MRPS27: variants seen among roughly 807,000 people sequenced by gnomAD.
MRPS27 encodes mitochondrial ribosomal protein S27, also known as small ribosomal subunit protein mS27.
Under a neutral mutation model 48.9 loss-of-function variants are expected in MRPS27, and 43 were observed. The observed-to-expected ratio is 0.88, with a 90% confidence interval of 0.69 to 1.13. The LOEUF (loss-of-function observed/expected upper bound fraction) is 1.13, where lower values mean the gene tolerates loss of function less well. Among genes scored for constraint, MRPS27 ranks in the 50% most tolerant of loss-of-function variants. MRPS27 has a pLI of 0.00. For missense variants in MRPS27, 467 were observed against 476.3 expected, an observed-to-expected ratio of 0.98 and a Z score of 0.18; for synonymous variants, 188 against 171.9, an observed-to-expected ratio of 1.09 and a Z score of -0.73.
chr5:72,295,439 G>A, intron 4 of MRPS27, 92 bp downstream of exon 4: 1 of 853,174 alleles, frequency 1.2e-6, no homozygotes, highest in Non-Finnish European at 1.9e-6. Flanking sequence ...AACTTAGAAG[G>A]TGTCAAAATT....
chr5:72,297,439 T>C (rs1750010241), intron 3 of MRPS27, among the ~76,000 whole-genome samples, 193 bp downstream of exon 3: 1 of 152,336 alleles, frequency 6.6e-6, no homozygotes, highest in East Asian at 1.9e-4. Flanking sequence ...GGTAAATGTA[T>C]TAACTTTTAT....
At chr5:72,234,094 A>T in intron 6 of MRPS27, 25 bp downstream of exon 6, 1 of 1,481,708 alleles carries the variant, frequency 6.7e-7, no homozygotes, top group Non-Finnish European at 8.9e-7. Flanking sequence ...CCCTATAAAC[A>T]CTGAATCTGG....
At chr5:72,307,596 G>T (rs1350798158) in intron 2 of MRPS27, among the ~76,000 whole-genome samples, 2 of 151,994 alleles carry the variant, frequency 1.3e-5, no homozygotes, top group African/African-American at 4.8e-5. Flanking sequence ...ACTAAGAGCT[G>T]ATAATTGTTG....
rs1413891290 is a variant in MRPS27 at position 72,223,751 on chromosome 5, G to A, written c.937C>T (p.Leu313=). ...NDEDNQGSEK[L]VEQLDIEETE... ...TCCTCGATGTCTAACTGCTCCACCAGTTTTTCTGACCCCTGGTTGTCTTCA... is the reference window on the plus strand; with the variant it reads ...TCCTCGATGTCTAACTGCTCCACCAATTTTTCTGACCCCTGGTTGTCTTCA... The change falls in exon 10 of 11, where the codon CTG becomes TTG. Residue 313 remains leucine, a synonymous_variant. Coordinates refer to ENST00000261413, the MANE Select transcript of MRPS27 (RefSeq NM_015084.3). The A allele has an allele frequency of 1.2e-6, 2 of 1,613,894 alleles. No individual in the cohort carries two copies. Among genetic ancestry groups the A allele is most frequent in the African/African-American group, 2.7e-5 (2 of 74,898 alleles).
At chr5:72,283,455 C>T (rs1180038874) in intron 4 of MRPS27, among the ~76,000 whole-genome samples, 1 of 152,184 alleles carries the variant, frequency 6.6e-6, no homozygotes, top group African/African-American at 2.4e-5. Context: ...GAAGTCAGGC[C>T]TCATCCACAG....
In MRPS27 at chr5:72,241,916, T is replaced by C. The variant is rs554718011; in HGVS notation, c.282-3788A>G. Among the ~76,000 whole-genome samples, 170 of 152,286 alleles carry C rather than the reference T, an allele frequency of 1.1e-3. No individual in the cohort carries two copies. The Middle Eastern group carries it at 0.014, about 12-fold the overall frequency. On this transcript the variant is annotated intron_variant, in intron 4 of 10. Transcript: ENST00000261413. ...AACAGGCTGTCAAGATAGGCAAACA[T>C]GTGAGTGTAGAAAAGAGAAACAAAT... is the stretch of plus-strand genomic sequence containing the variant.
chr5:72,222,278 T>G (rs765682675), intron 10 of MRPS27, among the ~76,000 whole-genome samples: 20 of 152,256 alleles, frequency 1.3e-4, no homozygotes, highest in Non-Finnish European at 2.5e-4. Flanking sequence ...GAATGAGGAC[T>G]AAACTACGAG....
intron 4 of MRPS27, among the ~76,000 whole-genome samples, chr5:72,281,341 G>A (rs977070072): frequency 3.9e-5 from 6 of 152,156 alleles, no homozygotes; most frequent in Non-Finnish European, 5.9e-5. Context: ...TATGAGGGAG[G>A]AAATGGATGG....
chr5:72,257,171 T>C (rs542841793), intron 4 of MRPS27, among the ~76,000 whole-genome samples: 1 of 152,306 alleles, frequency 6.6e-6, no homozygotes, highest in East Asian at 1.9e-4. Flanking sequence ...TTCATATAAC[T>C]GTACACATGC....
At chr5:72,226,472 C>T (rs924887897) in intron 8 of MRPS27, among the ~76,000 whole-genome samples, 5 of 152,006 alleles carry the variant, frequency 3.3e-5, no homozygotes, top group African/African-American at 1.2e-4. Flanking sequence ...TATATATAAA[C>T]CACTGGGCTG....
chr5:72,310,264 T>C (rs1750408887), intron 2 of MRPS27, among the ~76,000 whole-genome samples: 1 of 152,182 alleles, frequency 6.6e-6, no homozygotes. Flanking sequence ...AGCACCTAGA[T>C]CTTGGTTTCT....
chr5:72,287,369 G>A (rs1385781116), intron 4 of MRPS27, among the ~76,000 whole-genome samples: 1 of 152,196 alleles, frequency 6.6e-6, no homozygotes, highest in Non-Finnish European at 1.5e-5. Context: ...GTTGGGTATG[G>A]TGGCTCATGC....
intron 2 of MRPS27, among the ~76,000 whole-genome samples, chr5:72,299,747 G>A (rs747581464): frequency 1.6e-4 from 24 of 152,156 alleles, no homozygotes; most frequent in Non-Finnish European, 3.1e-4. Context: ...ATCCTAGGCA[G>A]CATACTCTCT....
chr5:72,237,123 C>T (rs936103092), intron 5 of MRPS27, among the ~76,000 whole-genome samples: 3 of 152,066 alleles, frequency 2.0e-5, no homozygotes, highest in African/African-American at 7.2e-5. Flanking sequence ...GCTAGGATTA[C>T]AGGCATGTGC....
At chr5:72,312,591 CCT>C (rs1750467841) in intron 2 of MRPS27, among the ~76,000 whole-genome samples, 1 of 151,536 alleles carries the variant, frequency 6.6e-6, no homozygotes, top group African/African-American at 2.4e-5. Flanking sequence ...CTTTGTTTCT[CCT>C]CTGTATCGTG....
chr5:72,256,734 A>T (rs1748819150), intron 4 of MRPS27, among the ~76,000 whole-genome samples: 1 of 152,182 alleles, frequency 6.6e-6, no homozygotes, highest in African/African-American at 2.4e-5. Context: ...TGCTTAAGTG[A>T]TCCTCAAAAC....
chr5:72,223,149 T>A (rs1747795216), intron 10 of MRPS27, among the ~76,000 whole-genome samples: 1 of 152,202 alleles, frequency 6.6e-6, no homozygotes, highest in Non-Finnish European at 1.5e-5. Flanking sequence ...GTAGCTTGAG[T>A]GCTCAGGGCT....
chr5:72,239,099 C>T (rs1265201690), intron 4 of MRPS27, among the ~76,000 whole-genome samples: 2 of 152,060 alleles, frequency 1.3e-5, no homozygotes, highest in African/African-American at 4.8e-5. Context: ...AATCGCTGGG[C>T]TCCACAAAAA....
At chr5:72,275,121 T>C (rs867400082) in intron 4 of MRPS27, among the ~76,000 whole-genome samples, 1 of 152,190 alleles carries the variant, frequency 6.6e-6, no homozygotes, top group Non-Finnish European at 1.5e-5. Context: ...ATCCTATATT[T>C]AGAAAAGCCC....
Sources: gnomAD v4.1 joint callset for allele counts (sites outside exome capture counted in the v4.1 genomes callset) on GRCh38, gnomAD v4.1.1 for gene constraint, MANE v1.5 for transcripts, NCBI Gene and HGNC (gene_info 2026-07-23, HGNC 2026-07-21) for gene names.